SLC36A1: variants seen among roughly 807,000 people sequenced by gnomAD.
SLC36A1 encodes proton-coupled amino acid transporter 1.
SLC36A1 carries 30 observed loss-of-function variants against 47.5 expected under a neutral mutation model. The observed-to-expected ratio is 0.63, with a 90% CI of 0.47 to 0.86. The LOEUF (loss-of-function observed/expected upper bound fraction) is 0.86, where lower values mean the gene tolerates loss of function less well. SLC36A1 is among the 40% of genes least tolerant of loss of function. SLC36A1 has a pLI of 0.00. For synonymous variants in SLC36A1, 255 were observed against 249.7 expected, an observed-to-expected ratio of 1.02 and a Z score of -0.20; for missense variants, 517 against 606.0, an observed-to-expected ratio of 0.85 and a Z score of 1.54.
At chr5:151,517,015 G>A in the SLC36A1 span, among the ~76,000 whole-genome samples, 2 of 151,958 alleles carry the variant, frequency 1.3e-5, no homozygotes, top group Non-Finnish European at 2.9e-5. Context: ...AGCTGAGGCA[G>A]GAGAATCGCT....
chr5:151,538,995 T>C, the SLC36A1 span, among the ~76,000 whole-genome samples: 314 of 152,236 alleles, frequency 2.1e-3, 2 homozygotes, highest in African/African-American at 6.9e-3. Flanking sequence ...GTGGAGATGG[T>C]TCCCCAGGCC....
At chr5:151,528,187 G>T in the SLC36A1 span, 2 of 1,598,410 alleles carry the variant, frequency 1.3e-6, no homozygotes, top group East Asian at 4.5e-5. Flanking sequence ...TGACCCCTGG[G>T]AGTACAGGGG....
chr5:151,534,595 A>C, the SLC36A1 span: 1 of 1,613,978 alleles, frequency 6.2e-7, no homozygotes, highest in Non-Finnish European at 8.5e-7. Flanking sequence ...ACAAGGTTGA[A>C]CACATCCTTC....
the SLC36A1 span, chr5:151,412,857 C>T: frequency 6.9e-6 from 1 of 144,342 alleles, no homozygotes; most frequent in Non-Finnish European, 1.5e-5. Flanking sequence ...GCACCAGCAT[C>T]TGGAGATTTT....
chr5:151,464,956 T>C (rs1756120172), intron 4 of SLC36A1, 118 bp from the exon 5 acceptor site: 3 of 770,606 alleles, frequency 3.9e-6, no homozygotes, highest in Admixed American at 4.1e-5. Context: ...GGACTCAGAG[T>C]GGTACCTCCA....
chr5:151,545,081 G>C, the SLC36A1 span: 1 of 1,614,176 alleles, frequency 6.2e-7, no homozygotes. Context: ...CCTGCTGACT[G>C]GACCATATGA....
At chr5:151,533,785 T>C in the SLC36A1 span, among the ~76,000 whole-genome samples, 3 of 152,062 alleles carry the variant, frequency 2.0e-5, no homozygotes, top group African/African-American at 7.2e-5. Context: ...TAATGAGTTA[T>C]ATATATGTAT....
chr5:151,439,909 T>C (rs950393726), intron 1 of SLC36A1, among the ~76,000 whole-genome samples: 1 of 152,216 alleles, frequency 6.6e-6, no homozygotes, highest in African/African-American at 2.4e-5. Context: ...TTATTTTTTC[T>C]AATTTCCACT....
At chr5:151,533,750 T>C in the SLC36A1 span, among the ~76,000 whole-genome samples, 15 of 151,870 alleles carry the variant, frequency 9.9e-5, no homozygotes, top group Admixed American at 2.0e-4. Context: ...CATACATATA[T>C]ATATGTGATA....
At chr5:151,510,355 C>T in the SLC36A1 span, 6 of 619,666 alleles carry the variant, frequency 9.7e-6, no homozygotes, top group East Asian at 5.7e-5. Flanking sequence ...GCACTTTGGT[C>T]CCTGCCCTCA....
At chr5:151,532,048 A>AG in the SLC36A1 span, 3 of 1,552,894 alleles carry the variant, frequency 1.9e-6, no homozygotes, top group Non-Finnish European at 2.6e-6. Context: ...CTGCAGCCAC[A>AG]GGAGGGGCTG....
At chr5:151,442,464 T>G (rs567693307) in intron 1 of SLC36A1, among the ~76,000 whole-genome samples, 1 of 152,340 alleles carries the variant, frequency 6.6e-6, no homozygotes, top group African/African-American at 2.4e-5. Context: ...GTAATTAACA[T>G]ATCCATCATC....
At chr5:151,484,726 T>C (rs914145749) in intron 10 of SLC36A1, among the ~76,000 whole-genome samples, 2 of 152,232 alleles carry the variant, frequency 1.3e-5, no homozygotes, top group African/African-American at 4.8e-5. Context: ...CGCTGAGTTC[T>C]TTACATGAGT....
chr5:151,536,781 C>A, the SLC36A1 span, among the ~76,000 whole-genome samples: 3 of 152,186 alleles, frequency 2.0e-5, no homozygotes, highest in Non-Finnish European at 4.4e-5. Context: ...AGCATAGATA[C>A]CTTGAGATCA....
chr5:151,362,065 C>A, the SLC36A1 span, among the ~76,000 whole-genome samples: 2 of 152,080 alleles, frequency 1.3e-5, no homozygotes, highest in Non-Finnish European at 2.9e-5. Flanking sequence ...TGGGTTGAAT[C>A]TGTTTGTGTT....
upstream of SLC36A1, among the ~76,000 whole-genome samples, chr5:151,432,334 C>T (rs1030295022): frequency 3.3e-5 from 5 of 152,206 alleles, no homozygotes; most frequent in African/African-American, 1.2e-4. Context: ...AAAGCTTTCC[C>T]CGAGAACAAG....
At chr5:151,498,830 G>A in the SLC36A1 span, among the ~76,000 whole-genome samples, 2 of 152,128 alleles carry the variant, frequency 1.3e-5, no homozygotes, top group South Asian at 4.2e-4. Context: ...GGCCCCTGTG[G>A]ACCCATCCTG....
At chr5:151,427,710 C>T in the SLC36A1 span, among the ~76,000 whole-genome samples, 1 of 152,172 alleles carries the variant, frequency 6.6e-6, no homozygotes, top group Non-Finnish European at 1.5e-5. Flanking sequence ...CAGTGCCATG[C>T]GTTCCAGTGG....
upstream of SLC36A1, among the ~76,000 whole-genome samples, chr5:151,435,961 T>A (rs1007538520): frequency 3.3e-5 from 5 of 151,922 alleles, no homozygotes; most frequent in African/African-American, 1.2e-4. Context: ...GCAGGCAAAT[T>A]TTACCAAAAG....
Sources: allele counts gnomAD v4.1 joint callset (sites outside exome capture counted in the v4.1 genomes callset), GRCh38; gene constraint gnomAD v4.1.1; transcripts MANE v1.5; gene names NCBI Gene and HGNC (gene_info 2026-07-23, HGNC 2026-07-21).